The following SFI1 variants were observed in gnomAD, a reference collection of about 807,000 sequenced individuals.
SFI1 encodes SFI1 centrin binding protein.
A neutral mutation model predicts 207.5 loss-of-function variants in SFI1; 195 were observed. The observed-to-expected ratio is 0.94, with a 90% CI of 0.84 to 1.06. The LOEUF (loss-of-function observed/expected upper bound fraction) is 1.06. SFI1 is among the 50% of genes least tolerant of loss of function. The probability of loss-of-function intolerance (pLI) is 0.00; values close to 1 mark genes in which losing one functional copy is unlikely to be tolerated. For missense variants in SFI1, 1,634 were observed against 1,588.0 expected (o/e 1.03, Z -0.49); for synonymous variants, 630 against 598.9 (o/e 1.05, Z -0.76).
chr22:31,602,366 C>G (rs1294631030), intron 16 of SFI1, 73 bp downstream of exon 16: 7 of 1,464,876 alleles, frequency 4.8e-6, no homozygotes, highest in Non-Finnish European at 5.7e-6. Flanking sequence ...ACGGCCTCCC[C>G]TCCTCAGGAA....
intron 2 of SFI1, among the ~76,000 whole-genome samples, chr22:31,523,874 TC>T (rs2057570220): frequency 6.6e-6 from 1 of 152,162 alleles, no homozygotes; most frequent in African/African-American, 2.4e-5. Flanking sequence ...TTATAAGTGT[TC>T]CTTGTAGATT....
chr22:31,546,827 A>G (rs2147900888), intron 4 of SFI1, 34 bp from the exon 5 acceptor site: 3 of 1,401,310 alleles, frequency 2.1e-6, no homozygotes, highest in East Asian at 4.7e-5. Flanking sequence ...CTCCAACATC[A>G]TCATATATAT....
At chr22:31,583,283 T>C (rs906320444) in intron 12 of SFI1, among the ~76,000 whole-genome samples, 1 of 152,066 alleles carries the variant, frequency 6.6e-6, no homozygotes, top group Non-Finnish European at 1.5e-5. Flanking sequence ...CCGGCTAATT[T>C]TGTATTTTTA....
chr22:31,606,693 C>CT (rs10524692), intron 21 of SFI1: 4,289 of 115,184 alleles, frequency 0.037, 102 homozygotes, highest in East Asian at 0.058. Context: ...TTCTTTTTTT[C>CT]TTTTTTTTTT....
At chr22:31,575,202 G>A (rs1180019760) in intron 9 of SFI1, 29 bp from the exon 10 acceptor site, 1 of 1,581,748 alleles carries the variant, frequency 6.3e-7, no homozygotes, top group African/African-American at 1.3e-5. Context: ...CCTTAGGGGA[G>A]TAGCACTTAA....
At chr22:31,558,446 A>C (rs982655237) in intron 7 of SFI1, among the ~76,000 whole-genome samples, 3 of 151,984 alleles carry the variant, frequency 2.0e-5, no homozygotes, top group African/African-American at 7.2e-5. Context: ...ATTAGTATGC[A>C]GTTTTACTTG....
chr22:31,558,511 C>T (rs2061381698), intron 7 of SFI1, among the ~76,000 whole-genome samples: 1 of 151,374 alleles, frequency 6.6e-6, no homozygotes. Flanking sequence ...CACTGTTCCC[C>T]AGGCTGGAGT....
At chr22:31,564,755 C>T (rs887468571) in intron 8 of SFI1, among the ~76,000 whole-genome samples, 10 of 151,724 alleles carry the variant, frequency 6.6e-5, no homozygotes, top group Non-Finnish European at 1.5e-4. Flanking sequence ...AGTGATCCAC[C>T]CGCCTCGGCC....
At chr22:31,582,551 C>T (rs995234751) in intron 12 of SFI1, among the ~76,000 whole-genome samples, 2 of 151,916 alleles carry the variant, frequency 1.3e-5, no homozygotes, top group African/African-American at 2.4e-5. Flanking sequence ...GACACCCGGC[C>T]TATTATATTT....
Position 31,528,755 on chromosome 22 carries a change from C to A in SFI1, c.158C>A (p.Ser53Tyr), listed in dbSNP as rs139857575. The A allele has an allele frequency of 8.8e-5, 142 of 1,614,214 alleles. No homozygotes were observed. The East Asian group carries it at 2.6e-3, about 30-fold the overall frequency. ...AAGACACTGTCCAACAAGAAGTCTT[C>A]TGCATCCTTTGGGATCCGGAGGGAG... ...SAKTLSNKKS[S>Y]ASFGIRRELP... The change falls in exon 3 of 33, where the codon TCT becomes TAT. Residue 53 changes from serine to tyrosine, a missense_variant. Physicochemically the swap from Ser to Tyr is moderately radical, Grantham distance 144. Transcript: ENST00000400288.
chr22:31,599,404 G>A (rs1005664105), intron 15 of SFI1, among the ~76,000 whole-genome samples: 11 of 151,930 alleles, frequency 7.2e-5, no homozygotes, highest in Middle Eastern at 3.4e-3. Flanking sequence ...TCGGCTCACT[G>A]CAATCTTCGC....
At chr22:31,582,189 C>T (rs1287287686) in intron 12 of SFI1, among the ~76,000 whole-genome samples, 1 of 90,164 alleles carries the variant, frequency 1.1e-5, no homozygotes, top group Non-Finnish European at 2.1e-5. Flanking sequence ...CCCCCAACAA[C>T]ACTTCTTTAT....
intron 1 of SFI1, among the ~76,000 whole-genome samples, chr22:31,498,815 A>G (rs957602851): frequency 4.0e-5 from 6 of 151,768 alleles, no homozygotes; most frequent in African/African-American, 1.5e-4. Context: ...AATTGCTGCA[A>G]CCTCATGATA....
At chr22:31,574,782 C>T (rs892839180) in intron 9 of SFI1, among the ~76,000 whole-genome samples, 3 of 152,052 alleles carry the variant, frequency 2.0e-5, no homozygotes, top group Admixed American at 6.6e-5. Flanking sequence ...TTTGGCCGGG[C>T]GCGGTGGCTC....
At chr22:31,594,329 C>T (rs549862953) in intron 15 of SFI1, among the ~76,000 whole-genome samples, 1 of 152,086 alleles carries the variant, frequency 6.6e-6, no homozygotes, top group East Asian at 1.9e-4. Flanking sequence ...GCGGGCGGAT[C>T]ACAAGGTCAA....
intron 14 of SFI1, chr22:31,587,995 A>G (rs765061099): frequency 5.3e-5 from 8 of 152,160 alleles, no homozygotes; most frequent in Non-Finnish European, 8.8e-5. Context: ...TACTGATCCA[A>G]TTATCTATTG....
intron 8 of SFI1, among the ~76,000 whole-genome samples, chr22:31,562,591 A>G (rs529984754): frequency 1.6e-4 from 25 of 152,228 alleles, no homozygotes; most frequent in African/African-American, 5.5e-4. Flanking sequence ...AATAACTTGA[A>G]CTAGGGTCAC....
At chr22:31,604,588 A>G in intron 19 of SFI1, 184 bp downstream of exon 19, 1 of 598,904 alleles carries the variant, frequency 1.7e-6, no homozygotes, top group South Asian at 2.2e-5. Flanking sequence ...TGCTTGGCCA[A>G]GTGGAAACAA....
intron 12 of SFI1, among the ~76,000 whole-genome samples, chr22:31,582,980 A>G (rs906728211): frequency 4.6e-5 from 7 of 152,150 alleles, no homozygotes; most frequent in African/African-American, 9.7e-5. Flanking sequence ...CTAGAGTGCA[A>G]TGGTGTGATT....
Sources: allele counts gnomAD v4.1 joint callset (sites outside exome capture counted in the v4.1 genomes callset), GRCh38; gene constraint gnomAD v4.1.1; transcripts MANE v1.5; gene names NCBI Gene and HGNC (gene_info 2026-07-23, HGNC 2026-07-21).